Variants in RMI2 observed in about 807,000 individuals in gnomAD.
RMI2 encodes the protein RecQ mediated genome instability 2, also known as recQ-mediated genome instability protein 2.
Under a neutral mutation model 8.4 loss-of-function variants are expected in RMI2, and 11 were observed. The observed-to-expected ratio is 1.32, with a 90% CI of 0.83 to 2.18. RMI2 has a LOEUF of 2.18. RMI2 is among the 30% of genes most tolerant of loss of function. The pLI is 0.00. For synonymous variants in RMI2, 105 were observed against 93.8 expected, an observed-to-expected ratio of 1.12 and a Z score of -0.69; for missense variants, 253 against 207.5, an observed-to-expected ratio of 1.22 and a Z score of -1.35.
At position 11,345,713 on chromosome 16, in the gene RMI2, T is replaced by G; in HGVS notation, c.242T>G (p.Phe81Cys). The G allele has an allele frequency of 8.0e-7, 1 of 1,255,488 alleles. No homozygotes were observed. The highest frequency in any genetic ancestry group is 3.0e-5 in the East Asian group (1 of 33,334). The allele number at this position is 1,255,488 out of a possible 1,614,324, so 77.8% of individuals were successfully genotyped here. Residue 81 changes from phenylalanine (F) to cysteine (C), a missense_variant, in exon 1 of 2, where the codon TTC (phenylalanine) becomes TGC (cysteine). Physicochemically the swap from Phe to Cys is radical, Grantham distance 205. Coordinates refer to ENST00000312499, the MANE Select transcript of RMI2 (RefSeq NM_152308.3). ...EARLRDPSGD[F>C]SVRGLERVPR... is the part of the protein sequence containing the mutation. ...CGGCTGAGGGACCCGAGCGGGGACT[T>G]CTCGGTCCGCGGCCTGGAGCGGGTG...
At position 11,345,557 on chromosome 16, in the gene RMI2, A is replaced by G; in HGVS notation, c.86A>G (p.Gln29Arg). 8.1e-7 allele frequency: 1 copy of G among 1,232,620 alleles called. No individual in the cohort carries two copies. Among genetic ancestry groups the G allele is most frequent in the Non-Finnish European group, 1.0e-6 (1 of 988,442 alleles). The allele number at this position is 1,232,620 out of a possible 1,614,324, so 76.4% of individuals were successfully genotyped here. A position where few individuals can be genotyped will look rare whatever the true frequency, so the allele number is the denominator to read the frequency against. Reference sequence around the variant, plus strand: ...CCGCCACTCAAGGTGCTGGCGGAGCAGCTGCGGCGCGACGCGGAGGGCGGC... The same window carrying G: ...CCGCCACTCAAGGTGCTGGCGGAGCGGCTGCGGCGCGACGCGGAGGGCGGC... Reference protein sequence around the residue: ...RSPPLKVLAEQLRRDAEGGPG... With the variant: ...RSPPLKVLAERLRRDAEGGPG... Residue 29 changes from glutamine (Q) to arginine (R), a missense_variant, in exon 1 of 2, where the codon CAG becomes CGG. Gln to Arg is a conservative substitution (Grantham distance 43). Transcript: ENST00000312499.
chr16:11,345,609 G>A lies in RMI2; in HGVS notation c.138G>A (p.Ala46=). 1.6e-6 allele frequency: 2 copies of A among 1,225,948 alleles called. No homozygotes were observed. Among genetic ancestry groups the A allele is most frequent in the South Asian group, 4.1e-5 (1 of 24,470 alleles). The allele number at this position is 1,225,948 out of a possible 1,614,324, so 75.9% of individuals were successfully genotyped here. The change falls in exon 1 of 2, where the codon GCG becomes GCA. Residue 46 remains alanine, a synonymous_variant. Transcript: ENST00000312499. ...GGPGAWRLSR[A]AAGRGPLDLA... is the part of the protein sequence containing the mutation. Reference sequence around the variant, plus strand: ...CGGGCGCGTGGCGGCTGTCACGGGCGGCGGCGGGCCGCGGGCCGCTGGACC... The same window carrying A: ...CGGGCGCGTGGCGGCTGTCACGGGCAGCGGCGGGCCGCGGGCCGCTGGACC...
chr16:11,348,225 C>T (rs7190050), intron 1 of RMI2: 62,724 of 152,232 alleles, frequency 0.41, 13,844 homozygotes, highest in African/African-American at 0.54. Flanking sequence ...AGAATTTTAT[C>T]TGGGACAGAG....
chr16:11,345,900 G>A, intron 1 of RMI2, 134 bp downstream of exon 1: 2 of 654,768 alleles, frequency 3.1e-6, no homozygotes, highest in Admixed American at 4.4e-5. Context: ...CTCTGCCCCT[G>A]CGGGTCCCCG....
rs2070885434 is a variant in RMI2, at chr16:11,347,052, CTT to C, written c.295+1287_295+1288del. 2.0e-5 allele frequency among the ~76,000 whole-genome samples: 3 copies of C among 152,378 alleles called. No individual in the cohort carries two copies. The South Asian group carries it at 6.2e-4, about 32-fold the overall frequency. ...TGATAGGCAATGGGCATCCATCTCACTTGTTCCCTGGGATGTCAGTTGAGCAC... is the reference window on the plus strand; with the variant it reads ...TGATAGGCAATGGGCATCCATCTCACGTTCCCTGGGATGTCAGTTGAGCAC... On this transcript the variant is annotated intron_variant, in intron 1 of 1. Coordinates refer to ENST00000312499, the MANE Select transcript of RMI2 (RefSeq NM_152308.3).
Position 11,349,689 on chromosome 16 carries a change from T to G in RMI2, c.296-953T>G, listed in dbSNP as rs191731231. On this transcript the variant is annotated intron_variant, in intron 1 of 1. Transcript: ENST00000312499. The surrounding 1 kb of genome is among the most constrained non-coding windows in gnomAD (Gnocchi z 4.2). ...TCCTGCCTGGGGTTGAACAGCAGGA[T>G]CAGGGGTCAGCTTGCCTGGGGCTTC... Among the ~76,000 whole-genome samples the G allele has an allele frequency of 2.4e-4, 37 of 152,228 alleles. No homozygotes were observed. Among genetic ancestry groups the G allele is most frequent in the African/African-American group, 8.7e-4 (36 of 41,556 alleles).
Position 11,345,467 on chromosome 16 carries a change from G to A in RMI2, c.-5G>A. ...AGGCGGGGCGGAAGGGTGCGGCGAG[G>A]CGGAATGGCGGCGGCTGCGGACTCG... On this transcript the variant is annotated 5_prime_UTR_variant, in exon 1 of 2. Coordinates refer to ENST00000312499, the MANE Select transcript of RMI2 (RefSeq NM_152308.3). The A allele has an allele frequency of 7.7e-7, 1 of 1,301,396 alleles. No homozygotes were observed. The highest frequency in any genetic ancestry group is 3.4e-5 in the Admixed American group (1 of 28,994). 80.6% of individuals were successfully genotyped at this position (1,301,396 alleles called of 1,614,324 possible).
At chr16:11,350,016 G>T (rs36090551) in intron 1 of RMI2, among the ~76,000 whole-genome samples, 31,900 of 152,118 alleles carry the variant, frequency 0.21, 3,945 homozygotes, top group East Asian at 0.27. Context: ...ACAATGGGGC[G>T]GGGGGCTGCC....
rs2070940639 is a variant in RMI2 at position 11,349,854 on chromosome 16, A to G, written c.296-788A>G. Among the ~76,000 whole-genome samples the G allele has an allele frequency of 6.6e-6, 1 of 152,194 alleles. No individual in the cohort carries two copies. The highest frequency in any genetic ancestry group is 2.4e-5 in the African/African-American group (1 of 41,444). ...GGTTTTATGTGGTTGAGACTGGCCAAGTTTTGCTTTCAAGGAGAGTCACTT... is the reference window on the plus strand; with the variant it reads ...GGTTTTATGTGGTTGAGACTGGCCAGGTTTTGCTTTCAAGGAGAGTCACTT... On this transcript the variant is annotated intron_variant, in intron 1 of 1. Coordinates refer to ENST00000312499, the MANE Select transcript of RMI2 (RefSeq NM_152308.3). This position sits in a 1 kb window ranked among gnomAD's most constrained non-coding sequence, Gnocchi z 4.2.
chr16:11,345,714 C>A lies in RMI2; in HGVS notation c.243C>A (p.Phe81Leu). 1 of 1,255,268 alleles carries A rather than the reference C, an allele frequency of 8.0e-7. No individual in the cohort carries two copies. The highest frequency in any genetic ancestry group is 3.8e-5 in the South Asian group (1 of 26,378). The allele number at this position is 1,255,268 out of a possible 1,614,324, so 77.8% of individuals were successfully genotyped here. ...EARLRDPSGD[F>L]SVRGLERVPR... is the part of the protein sequence containing the mutation. ...GGCTGAGGGACCCGAGCGGGGACTT[C>A]TCGGTCCGCGGCCTGGAGCGGGTGC... Residue 81 changes from phenylalanine to leucine, a missense_variant, in exon 1 of 2, where the codon TTC becomes TTA. Phe to Leu is a conservative substitution (Grantham distance 22). Transcript: ENST00000312499.
intron 1 of RMI2, among the ~76,000 whole-genome samples, chr16:11,346,872 T>C (rs563642947): frequency 6.6e-6 from 1 of 152,324 alleles, no homozygotes; most frequent in African/African-American, 2.4e-5. Context: ...ACTACAGGCC[T>C]GTACCACCAC....
chr16:11,348,520 T>C (rs887020545), intron 1 of RMI2: 2 of 152,286 alleles, frequency 1.3e-5, no homozygotes, highest in Non-Finnish European at 2.9e-5. Flanking sequence ...TCATTTCTTC[T>C]TGTTAATTAA....
chr16:11,347,890 C>T (rs1165925517), intron 1 of RMI2, among the ~76,000 whole-genome samples: 3 of 152,318 alleles, frequency 2.0e-5, no homozygotes, highest in East Asian at 3.9e-4. Context: ...AAGCGATTCT[C>T]ATGCCTCAGC....
rs1007930360 is a variant in RMI2 at position 11,351,392 on chromosome 16, C to G, written c.*602C>G. On this transcript the variant is annotated 3_prime_UTR_variant, in exon 2 of 2. Coordinates refer to ENST00000312499, the MANE Select transcript of RMI2 (RefSeq NM_152308.3). ...ACCACTCAAACATTTAGACGCAGCTCTATCCCTTTTCCTAGCTAGAGAAGG... is the reference window on the plus strand; with the variant it reads ...ACCACTCAAACATTTAGACGCAGCTGTATCCCTTTTCCTAGCTAGAGAAGG... 6 of 232,466 alleles carry G rather than the reference C, an allele frequency of 2.6e-5. No homozygotes were observed. Among genetic ancestry groups the G allele is most frequent in the Admixed American group, 5.6e-5 (1 of 17,754 alleles). 14.4% of individuals were successfully genotyped at this position (232,466 alleles called of 1,614,324 possible). A position where few individuals can be genotyped will look rare whatever the true frequency, so the allele number is the denominator to read the frequency against.
chr16:11,346,634 G>A (rs1159480544), intron 1 of RMI2, among the ~76,000 whole-genome samples: 1 of 152,190 alleles, frequency 6.6e-6, no homozygotes, highest in Non-Finnish European at 1.5e-5. Flanking sequence ...TGGTAAAGCT[G>A]GGATGGCTGG....
chr16:11,345,672 G>T lies in RMI2; in HGVS notation c.201G>T (p.Ala67=). 7.9e-7 allele frequency: 1 copy of T among 1,270,920 alleles called. No individual in the cohort carries two copies. The highest frequency in any genetic ancestry group is 9.9e-7 in the Non-Finnish European group (1 of 1,009,902). 78.7% of individuals were successfully genotyped at this position (1,270,920 alleles called of 1,614,324 possible). ...AVWMQGRVVM[A]DRGEARLRDP... is the part of the protein sequence containing the mutation. Reference sequence around the variant, plus strand: ...GGATGCAGGGCAGGGTAGTGATGGCGGACCGCGGCGAGGCTCGGCTGAGGG... The same window carrying T: ...GGATGCAGGGCAGGGTAGTGATGGCTGACCGCGGCGAGGCTCGGCTGAGGG... Residue 67 remains alanine (A), a synonymous_variant, in exon 1 of 2, where the codon GCG becomes GCT. Transcript: ENST00000312499.
chr16:11,346,104 T>G (rs533095001), intron 1 of RMI2, among the ~76,000 whole-genome samples: 101 of 152,304 alleles, frequency 6.6e-4, no homozygotes, highest in African/African-American at 2.2e-3. Context: ...GGAAATACTG[T>G]CCTGGGAAAC....
At chr16:11,350,610 A>C in intron 1 of RMI2, 32 bp from the exon 2 acceptor site, 1 of 1,491,506 alleles carries the variant, frequency 6.7e-7, no homozygotes, top group South Asian at 1.3e-5. Flanking sequence ...AAAAAAAAAG[A>C]ACATTACTAT....
chr16:11,350,723 C>T lies in RMI2; in HGVS notation c.377C>T (p.Ser126Phe). Reference sequence around the variant, plus strand: ...CAGGCTGTGAAGATGACAGACCTTTCTGATAATCCCATCCATGAAAGTATG... The same window carrying T: ...CAGGCTGTGAAGATGACAGACCTTTTTGATAATCCCATCCATGAAAGTATG... ...CLQAVKMTDL[S>F]DNPIHESMWE... Residue 126 changes from serine to phenylalanine, a missense_variant, in exon 2 of 2, where the codon TCT becomes TTT. Physicochemically the swap from Ser to Phe is radical, Grantham distance 155 (BLOSUM62 -2). Coordinates refer to ENST00000312499, the MANE Select transcript of RMI2 (RefSeq NM_152308.3). The T allele has an allele frequency of 3.1e-6, 5 of 1,613,538 alleles. No individual in the cohort carries two copies. The highest frequency in any genetic ancestry group is 2.2e-5 in the East Asian group (1 of 44,868).
Sources: gnomAD v4.1 joint callset for allele counts (sites outside exome capture counted in the v4.1 genomes callset) on GRCh38, gnomAD v4.1.1 for gene constraint, Gnocchi (gnomAD v3.1) non-coding constraint, MANE v1.5 for transcripts, NCBI Gene and HGNC (gene_info 2026-07-23, HGNC 2026-07-21) for gene names.